The following TANC1 variants were observed in gnomAD, a reference collection of about 807,000 sequenced individuals.
The protein encoded by TANC1 is protein TANC1.
TANC1 carries 77 observed loss-of-function variants against 149.7 expected under a neutral mutation model. The ratio of observed to expected loss-of-function variants is 0.51; its 90% confidence interval spans 0.43 to 0.62. The LOEUF is 0.62. TANC1 is among the 20% of genes least tolerant of loss of function. The pLI is 0.00. For synonymous variants in TANC1, 854 were observed against 925.0 expected (o/e 0.92, Z 1.39); for missense variants, 1,985 against 2,321.8 (o/e 0.85, Z 2.98).
intron 2 of TANC1, among the ~76,000 whole-genome samples, chr2:159,023,199 TAGG>T (rs1464337651): frequency 6.6e-6 from 1 of 152,088 alleles, no homozygotes; most frequent in African/African-American, 2.4e-5. Context: ...GGGGAGTGAC[TAGG>T]AGTTGTCCAG....
intron 1 of TANC1, among the ~76,000 whole-genome samples, chr2:158,972,546 A>G (rs2033051862): frequency 6.6e-6 from 1 of 152,150 alleles, no homozygotes; most frequent in South Asian, 2.1e-4. Context: ...GCAGCTTGAC[A>G]CTCATCTGGA....
At chr2:159,068,051 C>T (rs544271883) in intron 3 of TANC1, among the ~76,000 whole-genome samples, 136 of 152,326 alleles carry the variant, frequency 8.9e-4, no homozygotes, top group African/African-American at 3.1e-3. Flanking sequence ...CCAATGGGAA[C>T]GTTTCCCATA....
chr2:159,115,256 A>G (rs2048129090), intron 4 of TANC1, among the ~76,000 whole-genome samples: 1 of 151,906 alleles, frequency 6.6e-6, no homozygotes, highest in Non-Finnish European at 1.5e-5. Context: ...TTTGGCAGTG[A>G]TGTCCTATGA....
chr2:159,114,799 T>C (rs967613825), intron 4 of TANC1, among the ~76,000 whole-genome samples: 1 of 152,218 alleles, frequency 6.6e-6, no homozygotes, highest in Admixed American at 6.5e-5. Context: ...CTCCTGGACT[T>C]GTTTTGGTGA....
At chr2:159,136,905 T>C (rs181097908) in intron 5 of TANC1, among the ~76,000 whole-genome samples, 1 of 152,266 alleles carries the variant, frequency 6.6e-6, no homozygotes, top group East Asian at 1.9e-4. Flanking sequence ...ATTTAACAGA[T>C]ATATTCATAG....
At chr2:159,228,933 T>C in intron 26 of TANC1, 37 bp downstream of exon 26, 1 of 1,552,432 alleles carries the variant, frequency 6.4e-7, no homozygotes, top group Non-Finnish European at 8.9e-7. Context: ...TAGAGCTTTT[T>C]TTCTTGTGGG....
rs1446693487 is a variant in TANC1, at chr2:159,225,722, T to A, written c.3846T>A (p.Pro1282=). ...CTTGGGCGATGGCCACTTCCAAACC[T>A]GATATCTTGATTATACTTTTACAGA... The part of the protein sequence containing the change: ...NAAWAMATSK[P]DILIILLQKL... The change falls in exon 24 of 27, where the codon CCT becomes CCA. Residue 1282 remains proline (P), a synonymous_variant. Coordinates refer to ENST00000263635, the MANE Select transcript of TANC1 (RefSeq NM_033394.3). The A allele has an allele frequency of 6.2e-7, 1 of 1,614,152 alleles. No individual in the cohort carries two copies. Among genetic ancestry groups the A allele is most frequent in the Admixed American group, 1.7e-5 (1 of 60,034 alleles).
intron 2 of TANC1, among the ~76,000 whole-genome samples, chr2:159,038,017 C>T (rs2040337446): frequency 6.6e-6 from 1 of 152,130 alleles, no homozygotes; most frequent in Non-Finnish European, 1.5e-5. Flanking sequence ...TGTTTGTGTC[C>T]TCTTTTATTT....
intron 11 of TANC1, among the ~76,000 whole-genome samples, chr2:159,173,821 A>T (rs564464191): frequency 6.6e-6 from 1 of 152,328 alleles, no homozygotes; most frequent in African/African-American, 2.4e-5. Context: ...AATCTAAACC[A>T]AAAGTCTCAT....
chr2:159,003,872 C>A, intron 2 of TANC1: 1 of 1,612,478 alleles, frequency 6.2e-7, no homozygotes, highest in Non-Finnish European at 8.5e-7. Context: ...AGCCAAACTT[C>A]AGGCTCAGGT....
intron 4 of TANC1, among the ~76,000 whole-genome samples, chr2:159,113,542 C>G (rs1310075107): frequency 6.6e-6 from 1 of 152,204 alleles, no homozygotes; most frequent in Non-Finnish European, 1.5e-5. Flanking sequence ...GAATGCTGCC[C>G]TTGCCATGTT....
intron 2 of TANC1, among the ~76,000 whole-genome samples, chr2:159,012,924 T>A (rs2149385195): frequency 6.6e-6 from 1 of 152,304 alleles, no homozygotes; most frequent in Admixed American, 6.5e-5. Context: ...TCTCTTCTTG[T>A]TGGTAGTTTT....
chr2:159,166,646 T>C (rs750957774), intron 8 of TANC1, among the ~76,000 whole-genome samples: 1 of 152,242 alleles, frequency 6.6e-6, no homozygotes, highest in African/African-American at 2.4e-5. Flanking sequence ...GTCTGACTTT[T>C]GCATAGGTAA....
intron 11 of TANC1, among the ~76,000 whole-genome samples, chr2:159,174,006 C>A (rs1218272026): frequency 2.0e-5 from 3 of 152,192 alleles, no homozygotes; most frequent in South Asian, 2.1e-4. Flanking sequence ...GCTAGTGGTT[C>A]TTGTCCTACT....
In TANC1 at chr2:159,230,128, G is replaced by T; in HGVS notation, c.4702G>T (p.Gly1568Trp). 1 of 1,614,082 alleles carries T rather than the reference G, an allele frequency of 6.2e-7. No individual in the cohort carries two copies. The highest frequency in any genetic ancestry group is 8.5e-7 in the Non-Finnish European group (1 of 1,180,048). The change falls in exon 27 of 27, where the codon GGG becomes TGG. Residue 1568 changes from glycine to tryptophan, a missense_variant. Gly to Trp is a radical substitution (Grantham distance 184, BLOSUM62 -2). Around this residue, in one of 3 missense-constraint regions of TANC1, gnomAD observed 920 missense variants for 994.7 expected, o/e 0.92. Transcript: ENST00000263635. This position sits in a 1 kb window ranked among gnomAD's most constrained non-coding sequence, Gnocchi z 4.4. ...SQNPPPSPMP[G>W]RIAATPAGSR... ...GAACCCTCCTCCAAGTCCCATGCCA[G>T]GGAGAATCGCTGCCACTCCTGCTGG...
At chr2:159,224,425 A>G (rs1559491535) in intron 23 of TANC1, 61 bp downstream of exon 23, 1 of 1,598,900 alleles carries the variant, frequency 6.3e-7, no homozygotes, top group Non-Finnish European at 8.6e-7. Context: ...GTAGAAGCCT[A>G]GACAGCACAG....
chr2:159,197,714 A>G lies in TANC1; in HGVS notation c.3165+921A>G, dbSNP rs375524431. On this transcript the variant is annotated intron_variant, in intron 18 of 26. Coordinates refer to ENST00000263635, the MANE Select transcript of TANC1 (RefSeq NM_033394.3). ...AAAGTCATCATTGGGAGGACCATGA[A>G]TGCCTAGGAATGACCTTGGTCTTAA... is the stretch of plus-strand genomic sequence containing the variant. Among the ~76,000 whole-genome samples, 58 of 152,236 alleles carry G rather than the reference A, an allele frequency of 3.8e-4. 1 individual carries two copies. The highest frequency in any genetic ancestry group is 1.3e-3 in the African/African-American group (53 of 41,534).
At chr2:159,014,805 A>G (rs1177106194) in intron 2 of TANC1, among the ~76,000 whole-genome samples, 1 of 152,120 alleles carries the variant, frequency 6.6e-6, no homozygotes, top group Non-Finnish European at 1.5e-5. Context: ...CTCCAAACTG[A>G]TCTCCTTTGT....
intron 19 of TANC1, among the ~76,000 whole-genome samples, chr2:159,206,181 G>C (rs1032347010): frequency 6.6e-6 from 1 of 152,198 alleles, no homozygotes. Flanking sequence ...GAGCAAGATG[G>C]GGTGGGGTGA....
Sources: gnomAD v4.1 joint callset for allele counts (sites outside exome capture counted in the v4.1 genomes callset) on GRCh38, gnomAD v4.1.1 for gene constraint, gnomAD v4.1.1 regional missense constraint, Gnocchi (gnomAD v3.1) non-coding constraint, MANE v1.5 for transcripts, NCBI Gene and HGNC (gene_info 2026-07-23, HGNC 2026-07-21) for gene names.